Variants in SULF1 observed in about 807,000 individuals in gnomAD.
SULF1 encodes the protein sulfatase 1.
In SULF1, 46 loss-of-function variants were observed where a neutral mutation model predicts 110.5. That is an observed-to-expected ratio of 0.42 (90% CI 0.33 to 0.53). The LOEUF (loss-of-function observed/expected upper bound fraction) is 0.53. Ranked by LOEUF, SULF1 falls within the 20% of genes least tolerant of loss-of-function variation. The pLI, the probability that SULF1 is intolerant of heterozygous loss-of-function variation, is 0.12. For synonymous variants in SULF1, 371 were observed against 387.1 expected (o/e 0.96, Z 0.49); for missense variants, 941 against 1,094.2 (o/e 0.86, Z 1.98).
chr8:69,481,157 C>T (rs1312839904), intron 1 of SULF1, among the ~76,000 whole-genome samples: 4 of 152,016 alleles, frequency 2.6e-5, no homozygotes, highest in East Asian at 1.9e-4. Flanking sequence ...GAAAGAAATA[C>T]GTCATAGGAA....
At chr8:69,582,966 G>A (rs1273835514) in intron 6 of SULF1, among the ~76,000 whole-genome samples, 1 of 152,178 alleles carries the variant, frequency 6.6e-6, no homozygotes, top group African/African-American at 2.4e-5. Flanking sequence ...CACGTAGTCA[G>A]CACAGAAGGA....
At chr8:69,608,802 CA>C (rs1462180048) in intron 13 of SULF1, among the ~76,000 whole-genome samples, 1 of 152,168 alleles carries the variant, frequency 6.6e-6, no homozygotes, top group Non-Finnish European at 1.5e-5. Flanking sequence ...ACAACATGGA[CA>C]TATGTGTTTG....
intron 1 of SULF1, among the ~76,000 whole-genome samples, chr8:69,480,256 G>A (rs1269276159): frequency 6.6e-6 from 1 of 152,170 alleles, no homozygotes; most frequent in African/African-American, 2.4e-5. Context: ...TTTGAGTAAG[G>A]AAAGCAGTGT....
At chr8:69,647,055 C>T (rs1333928959) in intron 22 of SULF1, among the ~76,000 whole-genome samples, 2 of 149,970 alleles carry the variant, frequency 1.3e-5, no homozygotes, top group East Asian at 3.9e-4. Context: ...AGCAATTCCC[C>T]TGCCTCAGCC....
chr8:69,503,186 A>G (rs1176242430), intron 3 of SULF1, among the ~76,000 whole-genome samples: 2 of 152,186 alleles, frequency 1.3e-5, no homozygotes, highest in East Asian at 1.9e-4. Flanking sequence ...CCTTCATTCT[A>G]CAAGTATTAC....
At chr8:69,496,072 A>G (rs756823914) in intron 2 of SULF1, 146 bp downstream of exon 2, 4 of 152,240 alleles carry the variant, frequency 2.6e-5, no homozygotes, top group Non-Finnish European at 4.4e-5. Context: ...TGGTTTTCTT[A>G]TACCCTTTCA....
At chr8:69,631,232 C>T (rs1810515321) in intron 19 of SULF1, among the ~76,000 whole-genome samples, 1 of 152,192 alleles carries the variant, frequency 6.6e-6, no homozygotes. Context: ...CATTGCAAAA[C>T]ACAGGGTTAT....
At chr8:69,651,345 G>C (rs958234227) in intron 22 of SULF1, among the ~76,000 whole-genome samples, 1 of 152,020 alleles carries the variant, frequency 6.6e-6, no homozygotes, top group African/African-American at 2.4e-5. Flanking sequence ...GAGCCACCGC[G>C]CCCAGCCTCG....
In SULF1 at chr8:69,497,667, A is replaced by G. The variant is rs112346747; in HGVS notation, c.-229+1741A>G. On this transcript the variant is annotated intron_variant, in intron 2 of 22. Coordinates refer to ENST00000402687, the MANE Select transcript of SULF1 (RefSeq NM_001128205.2). ...ATGGTGCTAGTGTTTTCCACTAAGG[A>G]CTGTTATTTTAATGACATTTCTCTG... Among the ~76,000 whole-genome samples the G allele has an allele frequency of 4.2e-3, 645 of 152,276 alleles. 2 individuals are homozygous for G. Among genetic ancestry groups the G allele is most frequent in the African/African-American group, 0.015 (610 of 41,542 alleles).
intron 10 of SULF1, 105 bp from the exon 11 acceptor site, chr8:69,603,087 T>G: frequency 4.0e-6 from 6 of 1,492,696 alleles, no homozygotes; most frequent in Non-Finnish European, 5.5e-6. Flanking sequence ...GATGAGAGGG[T>G]GAGAAGAGTT....
chr8:69,590,878 G>C (rs2130303204), intron 8 of SULF1, among the ~76,000 whole-genome samples: 1 of 152,258 alleles, frequency 6.6e-6, no homozygotes, highest in Non-Finnish European at 1.5e-5. Flanking sequence ...TACAAATTTA[G>C]TAGCCAACTG....
intron 3 of SULF1, among the ~76,000 whole-genome samples, chr8:69,550,912 C>G (rs565832062): frequency 1.9e-4 from 29 of 152,344 alleles, no homozygotes; most frequent in Non-Finnish European, 4.0e-4. Flanking sequence ...TTTCCCTACT[C>G]TTCCACAGTG....
Position 69,603,621 on chromosome 8 carries a change from C to A in SULF1, c.1212C>A (p.Ala404=), listed in dbSNP as rs776225014. ...TCAGGTTTCGAACAAACAAGAAGGC[C>A]AAAATTTGGCGTGATACATTCCTAG... The part of the protein sequence containing the change: ...PGNRFRTNKK[A]KIWRDTFLVE... Residue 404 remains alanine (A), a synonymous_variant, in exon 12 of 23, where the codon GCC becomes GCA. Coordinates refer to ENST00000402687, the MANE Select transcript of SULF1 (RefSeq NM_001128205.2). 6.2e-7 allele frequency: 1 copy of A among 1,613,782 alleles called. No individual in the cohort carries two copies. The highest frequency in any genetic ancestry group is 1.3e-5 in the African/African-American group (1 of 75,014).
intron 3 of SULF1, among the ~76,000 whole-genome samples, chr8:69,550,860 T>G (rs1814659502): frequency 6.6e-6 from 1 of 152,154 alleles, no homozygotes; most frequent in African/African-American, 2.4e-5. Context: ...TCCCCATGAT[T>G]CATGCCCCAC....
intron 21 of SULF1, 113 bp downstream of exon 21, chr8:69,638,971 G>C: frequency 9.3e-7 from 1 of 1,080,426 alleles, no homozygotes; most frequent in Non-Finnish European, 1.3e-6. Context: ...AAGATACTTA[G>C]AGGAGACACT....
At chr8:69,519,718 G>A (rs968540325) in intron 3 of SULF1, among the ~76,000 whole-genome samples, 1 of 152,144 alleles carries the variant, frequency 6.6e-6, no homozygotes, top group South Asian at 2.1e-4. Context: ...AAGCAAAAGG[G>A]TTAAAAACTT....
intron 5 of SULF1, among the ~76,000 whole-genome samples, chr8:69,575,059 T>A (rs1805506616): frequency 6.6e-6 from 1 of 152,188 alleles, no homozygotes; most frequent in Non-Finnish European, 1.5e-5. Context: ...AAGATTCAAA[T>A]GCAATGGGCT....
chr8:69,632,027 G>A (rs1810597587), intron 19 of SULF1, among the ~76,000 whole-genome samples: 1 of 152,166 alleles, frequency 6.6e-6, no homozygotes, highest in Non-Finnish European at 1.5e-5. Flanking sequence ...TGACCCAAAG[G>A]AATTGCTTAG....
rs1203602071 is a variant in SULF1, at chr8:69,659,812, C to T, written c.*1277C>T. 2 of 153,238 alleles carry T rather than the reference C, an allele frequency of 1.3e-5. No homozygotes were observed. Among genetic ancestry groups the T allele is most frequent in the Non-Finnish European group, 2.9e-5 (2 of 68,574 alleles). The allele number at this position is 153,238 out of a possible 1,614,324, so 9.5% of individuals were successfully genotyped here. The stretch of plus-strand genomic sequence containing the variant: ...ATTTTGCACTTTGAGATTAAAATGC[C>T]ATGTCTATTTGATTAGTCTTATTTT... On this transcript the variant is annotated 3_prime_UTR_variant, in exon 23 of 23. Coordinates refer to ENST00000402687, the MANE Select transcript of SULF1 (RefSeq NM_001128205.2).
Sources: gnomAD v4.1 joint callset for allele counts (sites outside exome capture counted in the v4.1 genomes callset) on GRCh38, gnomAD v4.1.1 for gene constraint, MANE v1.5 for transcripts, NCBI Gene and HGNC (gene_info 2026-07-23, HGNC 2026-07-21) for gene names.